Variants in SNTB1 observed in about 807,000 individuals in gnomAD.
SNTB1 encodes the protein syntrophin beta 1, also known as beta-1-syntrophin.
Under a neutral mutation model 48.9 loss-of-function variants are expected in SNTB1, and 36 were observed. The observed-to-expected ratio is 0.74, with a 90% CI of 0.56 to 0.97. The LOEUF (loss-of-function observed/expected upper bound fraction) is 0.97. SNTB1 is among the 50% of genes least tolerant of loss of function. The pLI is 0.00. For missense variants in SNTB1, 786 were observed against 703.4 expected (o/e 1.12, Z -1.33); for synonymous variants, 299 against 294.6 (o/e 1.01, Z -0.15).
At chr8:120,785,735 G>A (rs1383667628) in intron 1 of SNTB1, among the ~76,000 whole-genome samples, 2 of 152,118 alleles carry the variant, frequency 1.3e-5, no homozygotes, top group Admixed American at 6.5e-5. Flanking sequence ...ACCTACTCTG[G>A]GAAACACAAG....
Position 120,537,708 on chromosome 8 carries a change from ATAAAAG to A in SNTB1, c.*1163_*1168del, listed in dbSNP as rs1251325436. 1 of 152,236 alleles carries A rather than the reference ATAAAAG, an allele frequency of 6.6e-6. No individual in the cohort carries two copies. Among genetic ancestry groups the A allele is most frequent in the Non-Finnish European group, 1.5e-5 (1 of 68,036 alleles). 9.4% of individuals were successfully genotyped at this position (152,236 alleles called of 1,614,324 possible). A position where few individuals can be genotyped will look rare whatever the true frequency, so the allele number is the denominator to read the frequency against. ...ATTTTTAGTGAATTTGTTTTGAAAGATAAAAGTAAAAGCATTAAATCAGTAATGTGC... is the reference window on the plus strand; with the variant it reads ...ATTTTTAGTGAATTTGTTTTGAAAGATAAAAGCATTAAATCAGTAATGTGC... On this transcript the variant is annotated 3_prime_UTR_variant, in exon 7 of 7. Transcript: ENST00000517992.
At chr8:120,689,260 G>A (rs78646567) in intron 2 of SNTB1, among the ~76,000 whole-genome samples, 15,738 of 152,248 alleles carry the variant, frequency 0.1, 1,048 homozygotes, top group East Asian at 0.21. Context: ...CCAAGATGCT[G>A]TGGCATTTGT....
chr8:120,773,508 G>T (rs1182042962), intron 1 of SNTB1, among the ~76,000 whole-genome samples: 1 of 152,196 alleles, frequency 6.6e-6, no homozygotes, highest in Non-Finnish European at 1.5e-5. Context: ...ATTTGAAGAA[G>T]TAACTTCCGA....
intron 3 of SNTB1, among the ~76,000 whole-genome samples, chr8:120,595,536 C>A (rs993944905): frequency 1.1e-4 from 17 of 152,026 alleles, no homozygotes; most frequent in African/African-American, 4.1e-4. Flanking sequence ...CAACCAGGAG[C>A]CCTAGGGGCT....
chr8:120,575,289 G>T, intron 3 of SNTB1, 64 bp from the exon 4 acceptor site: 1 of 1,595,432 alleles, frequency 6.3e-7, no homozygotes, highest in Non-Finnish European at 8.6e-7. Context: ...TGAGAAGTTG[G>T]CATCCCCCTA....
chr8:120,795,693 C>T (rs1000320501), intron 1 of SNTB1, among the ~76,000 whole-genome samples: 5 of 151,952 alleles, frequency 3.3e-5, no homozygotes, highest in East Asian at 3.9e-4. Flanking sequence ...TTCATTGTCT[C>T]GCAGTTCTGA....
At chr8:120,619,473 G>A (rs1031252216) in intron 3 of SNTB1, among the ~76,000 whole-genome samples, 1 of 152,116 alleles carries the variant, frequency 6.6e-6, no homozygotes, top group African/African-American at 2.4e-5. Flanking sequence ...TAGACAGCAG[G>A]TCATCTATGA....
intron 1 of SNTB1, among the ~76,000 whole-genome samples, chr8:120,773,115 A>T (rs558795524): frequency 1.2e-4 from 18 of 152,366 alleles, no homozygotes; most frequent in African/African-American, 3.4e-4. Context: ...TAATAATTTT[A>T]AAAAATCAGC....
intron 2 of SNTB1, among the ~76,000 whole-genome samples, chr8:120,678,774 T>C (rs1587083286): frequency 6.8e-6 from 1 of 146,186 alleles, no homozygotes; most frequent in South Asian, 2.1e-4. Flanking sequence ...ATTTTGTGAC[T>C]TTTTTTTTTT....
At chr8:120,541,239 A>C (rs1234715041) in intron 6 of SNTB1, 1 of 152,228 alleles carries the variant, frequency 6.6e-6, no homozygotes, top group East Asian at 1.9e-4. Flanking sequence ...TTTAACGGAT[A>C]AATTTGCTAA....
intron 3 of SNTB1, among the ~76,000 whole-genome samples, chr8:120,597,123 A>G (rs778011905): frequency 6.6e-6 from 1 of 152,218 alleles, no homozygotes; most frequent in Non-Finnish European, 1.5e-5. Flanking sequence ...CAGATAGATG[A>G]GCAGAAGGCA....
At chr8:120,645,988 T>C (rs1462612289) in intron 2 of SNTB1, among the ~76,000 whole-genome samples, 1 of 149,250 alleles carries the variant, frequency 6.7e-6, no homozygotes, top group Admixed American at 6.7e-5. Flanking sequence ...TGTATAAGAA[T>C]GCTTGTGATT....
chr8:120,768,376 C>T (rs935009862), intron 1 of SNTB1, among the ~76,000 whole-genome samples: 1 of 152,184 alleles, frequency 6.6e-6, no homozygotes, highest in Non-Finnish European at 1.5e-5. Context: ...CTAAAGGCAG[C>T]AGGTATTAAC....
intron 3 of SNTB1, among the ~76,000 whole-genome samples, chr8:120,587,641 G>A (rs1000712464): frequency 2.0e-5 from 3 of 152,204 alleles, no homozygotes; most frequent in African/African-American, 7.2e-5. Context: ...AGTGAATGCT[G>A]TAAACCGTTT....
chr8:120,701,813 C>T (rs377307744), intron 1 of SNTB1, among the ~76,000 whole-genome samples: 26 of 152,272 alleles, frequency 1.7e-4, no homozygotes, highest in African/African-American at 5.3e-4. Context: ...AGTCATAGGA[C>T]GTTCTTGGAG....
chr8:120,705,742 T>G (rs1350200665), intron 1 of SNTB1, among the ~76,000 whole-genome samples: 3 of 152,228 alleles, frequency 2.0e-5, no homozygotes, highest in Non-Finnish European at 4.4e-5. Flanking sequence ...CACAGATACA[T>G]TACCAAGCAT....
intron 2 of SNTB1, among the ~76,000 whole-genome samples, chr8:120,656,705 CT>C (rs1381871843): frequency 6.6e-6 from 1 of 152,148 alleles, no homozygotes; most frequent in African/African-American, 2.4e-5. Flanking sequence ...CCTATTTTTG[CT>C]TCTTTTGAAT....
At chr8:120,605,935 G>C (rs140734635) in intron 3 of SNTB1, among the ~76,000 whole-genome samples, 1 of 152,040 alleles carries the variant, frequency 6.6e-6, no homozygotes, top group Non-Finnish European at 1.5e-5. Flanking sequence ...GGTGAGCCAT[G>C]ACCCTGCCAA....
At chr8:120,783,051 C>T (rs1254314662) in intron 1 of SNTB1, among the ~76,000 whole-genome samples, 1 of 152,140 alleles carries the variant, frequency 6.6e-6, no homozygotes, top group African/African-American at 2.4e-5. Flanking sequence ...TGTATCCTAA[C>T]CTAAAAAGCT....
Sources: gnomAD v4.1 joint callset for allele counts (sites outside exome capture counted in the v4.1 genomes callset) on GRCh38, gnomAD v4.1.1 for gene constraint, MANE v1.5 for transcripts, NCBI Gene and HGNC (gene_info 2026-07-23, HGNC 2026-07-21) for gene names.